The following GREB1L variants were observed in gnomAD, a reference collection of about 807,000 sequenced individuals.
GREB1L encodes the protein GREB1-like protein.
GREB1L carries 17 observed loss-of-function variants against 200.8 expected under a neutral mutation model. The observed-to-expected ratio is 0.08, with a 90% CI of 0.06 to 0.13. GREB1L has a LOEUF of 0.13. Among genes scored for constraint, GREB1L ranks in the 10% least tolerant of loss-of-function variants. The pLI is 1.00. For synonymous variants in GREB1L, 789 were observed against 893.0 expected, an observed-to-expected ratio of 0.88 and a Z score of 2.08; for missense variants, 1,657 against 2,367.7, an observed-to-expected ratio of 0.70 and a Z score of 6.23.
chr18:21,346,632 G>A (rs79251384), intron 1 of GREB1L, among the ~76,000 whole-genome samples: 22,376 of 151,960 alleles, frequency 0.15, 3,559 homozygotes, highest in African/African-American at 0.39. Flanking sequence ...CCTTTCTCCT[G>A]TCCTAATTAG....
chr18:21,400,981 A>T (rs986284608), intron 5 of GREB1L, among the ~76,000 whole-genome samples, 169 bp from the exon 6 acceptor site: 15 of 152,316 alleles, frequency 9.8e-5, no homozygotes, highest in Admixed American at 9.8e-4. Context: ...ACTGTTATAA[A>T]ATAACTCTGC....
intron 32 of GREB1L, among the ~76,000 whole-genome samples, chr18:21,521,408 CTA>C (rs2037595243): frequency 6.6e-6 from 1 of 150,984 alleles, no homozygotes; most frequent in African/African-American, 2.4e-5. Context: ...TAAGAACAAA[CTA>C]AGATTAAACA....
At chr18:21,351,983 G>A (rs969087178) in intron 1 of GREB1L, among the ~76,000 whole-genome samples, 10 of 152,042 alleles carry the variant, frequency 6.6e-5, no homozygotes, top group African/African-American at 2.4e-4. Flanking sequence ...GAGTAGTTGG[G>A]ATTACAGGCA....
chr18:21,242,985 T>A (rs1461386844), intron 1 of GREB1L, among the ~76,000 whole-genome samples: 1 of 152,030 alleles, frequency 6.6e-6, no homozygotes, highest in Non-Finnish European at 1.5e-5. Flanking sequence ...TGGGTTTTTT[T>A]CCTCAACACC....
chr18:21,515,705 C>G, intron 29 of GREB1L, 61 bp downstream of exon 29: 1 of 1,199,904 alleles, frequency 8.3e-7, no homozygotes, highest in South Asian at 1.4e-5. Flanking sequence ...CTGCCCAGCT[C>G]TAGCCTCTGT....
At chr18:21,446,873 A>T (rs1156304978) in intron 11 of GREB1L, among the ~76,000 whole-genome samples, 5 of 152,214 alleles carry the variant, frequency 3.3e-5, no homozygotes, top group African/African-American at 9.6e-5. Context: ...AGTCACTTTT[A>T]AAAAATCTCA....
Position 21,412,185 on chromosome 18 carries a change from C to T in GREB1L, c.832+8191C>T, listed in dbSNP as rs1439712290. Among the ~76,000 whole-genome samples, 3 of 151,586 alleles carry T rather than the reference C, an allele frequency of 2.0e-5. No homozygotes were observed. In the East Asian group the frequency reaches 5.8e-4, roughly 29 times the overall value. ...GGCTGAGGCTGGTGGATTGCTTGAG[C>T]TCAGGAGTTCAAGACTAGCCTTGTC... is the stretch of plus-strand genomic sequence containing the variant. On this transcript the variant is annotated intron_variant, in intron 7 of 32. Transcript: ENST00000424526.
In GREB1L at chr18:21,484,365, G is replaced by A. The variant is rs1238099451; in HGVS notation, c.2557-1255G>A. Reference sequence around the variant, plus strand: ...AATTTTTGTATTTTCGGTAGAGATGGGGTTTCACCATATTGGCCAGGCTGG... The same window carrying A: ...AATTTTTGTATTTTCGGTAGAGATGAGGTTTCACCATATTGGCCAGGCTGG... On this transcript the variant is annotated intron_variant, in intron 17 of 32. Transcript: ENST00000424526. Among the ~76,000 whole-genome samples the A allele has an allele frequency of 2.6e-5, 4 of 151,838 alleles. No individual in the cohort carries two copies. The South Asian group carries it at 8.3e-4, about 32-fold the overall frequency.
chr18:21,446,480 A>G (rs2034228110), intron 11 of GREB1L, among the ~76,000 whole-genome samples: 1 of 152,250 alleles, frequency 6.6e-6, no homozygotes, highest in Admixed American at 6.5e-5. Context: ...TTTCAATTTA[A>G]TTACACAGAT....
intron 1 of GREB1L, among the ~76,000 whole-genome samples, chr18:21,307,612 C>A (rs2038721414): frequency 6.6e-6 from 1 of 152,070 alleles, no homozygotes; most frequent in Non-Finnish European, 1.5e-5. Flanking sequence ...AGATATCTTC[C>A]TTTTACCCCT....
At chr18:21,298,174 G>A (rs2038560129) in intron 1 of GREB1L, among the ~76,000 whole-genome samples, 1 of 152,112 alleles carries the variant, frequency 6.6e-6, no homozygotes, top group African/African-American at 2.4e-5. Context: ...ATTCTTCAGG[G>A]CCAAGCTAGA....
At chr18:21,420,660 A>T (rs2032076887) in intron 7 of GREB1L, among the ~76,000 whole-genome samples, 1 of 152,228 alleles carries the variant, frequency 6.6e-6, no homozygotes, top group Non-Finnish European at 1.5e-5. Context: ...GAGGATGTAG[A>T]GGTGGTAGAA....
intron 1 of GREB1L, among the ~76,000 whole-genome samples, chr18:21,272,286 G>A (rs938573890): frequency 9.9e-5 from 15 of 152,202 alleles, no homozygotes; most frequent in African/African-American, 3.6e-4. Flanking sequence ...GAGCATATAG[G>A]GAAGGCAAAC....
At chr18:21,256,225 C>G (rs2037796700) in intron 1 of GREB1L, among the ~76,000 whole-genome samples, 1 of 152,224 alleles carries the variant, frequency 6.6e-6, no homozygotes. Flanking sequence ...GAACTCCCCT[C>G]TTGAACCAGG....
At position 21,293,087 on chromosome 18, in the gene GREB1L, AAG is replaced by A. The variant is rs1327757274; in HGVS notation, c.-120+50697_-120+50698del. On this transcript the variant is annotated intron_variant, in intron 1 of 32. Coordinates refer to ENST00000424526, the MANE Select transcript of GREB1L (RefSeq NM_001142966.3). The stretch of plus-strand genomic sequence containing the variant: ...CTCTGTTCAGGATGGAGAAGGAACA[AAG>A]AGGGGCTGGGGAAGTCATTGGCAAG... 2.0e-5 allele frequency among the ~76,000 whole-genome samples: 3 copies of A among 152,222 alleles called. No individual in the cohort carries two copies. The East Asian group carries it at 5.8e-4, about 29-fold the overall frequency.
chr18:21,461,235 G>A (rs949500628), intron 15 of GREB1L, among the ~76,000 whole-genome samples: 5 of 151,866 alleles, frequency 3.3e-5, no homozygotes, highest in African/African-American at 4.8e-5. Context: ...TGACCCACAC[G>A]CCTCACCCCA....
chr18:21,276,765 A>T (rs1422898293), intron 1 of GREB1L, among the ~76,000 whole-genome samples: 1 of 152,084 alleles, frequency 6.6e-6, no homozygotes, highest in Non-Finnish European at 1.5e-5. Context: ...AAAGGAAGAA[A>T]GGGAAGAAGG....
intron 6 of GREB1L, among the ~76,000 whole-genome samples, chr18:21,402,441 TTC>T (rs1235870724): frequency 6.6e-6 from 1 of 151,794 alleles, no homozygotes; most frequent in African/African-American, 2.4e-5. Context: ...TCTTTTTCTT[TTC>T]TTTCTTTCTT....
chr18:21,463,134 CTTTTTTTTTTT>C (rs11355874), intron 15 of GREB1L, among the ~76,000 whole-genome samples: 17 of 55,684 alleles, frequency 3.1e-4, no homozygotes, highest in Middle Eastern at 0.022. Flanking sequence ...CTTAATGGTT[CTTTTTTTTTTT>C]TTTTTTTTTT....
Sources: gnomAD v4.1 joint callset for allele counts (sites outside exome capture counted in the v4.1 genomes callset) on GRCh38, gnomAD v4.1.1 for gene constraint, MANE v1.5 for transcripts, NCBI Gene and HGNC (gene_info 2026-07-23, HGNC 2026-07-21) for gene names.